The following FGD3 variants were observed in gnomAD, a reference collection of about 807,000 sequenced individuals.
The protein encoded by FGD3 is FYVE, RhoGEF and PH domain containing 3, also known as FYVE, RhoGEF and PH domain-containing protein 3.
FGD3 carries 45 observed loss-of-function variants against 71.8 expected under a neutral mutation model. The ratio of observed to expected loss-of-function variants is 0.63; its 90% CI spans 0.49 to 0.80. The LOEUF (loss-of-function observed/expected upper bound fraction) is 0.80. Among genes scored for constraint, FGD3 ranks in the 30% least tolerant of loss-of-function variants. FGD3 has a pLI of 0.00. For synonymous variants in FGD3, 378 were observed against 392.8 expected, an observed-to-expected ratio of 0.96 and a Z score of 0.44; for missense variants, 844 against 951.5, an observed-to-expected ratio of 0.89 and a Z score of 1.49.
At chr9:93,023,020 A>T (rs1003926920) in intron 14 of FGD3, among the ~76,000 whole-genome samples, 7 of 152,142 alleles carry the variant, frequency 4.6e-5, no homozygotes, top group African/African-American at 1.7e-4. Context: ...GTTAAAGAGG[A>T]TGAGGGCCAA....
intron 1 of FGD3, among the ~76,000 whole-genome samples, chr9:92,948,529 A>C (rs538589282): frequency 6.6e-6 from 1 of 152,170 alleles, no homozygotes; most frequent in African/African-American, 2.4e-5. Flanking sequence ...GAATGTTGTC[A>C]TTTTCTGGGA....
At chr9:93,015,941 CT>C (rs1282112772) in intron 10 of FGD3, 112 bp downstream of exon 10, 3 of 918,470 alleles carry the variant, frequency 3.3e-6, no homozygotes, top group African/African-American at 3.3e-5. Flanking sequence ...CCTGGCACCC[CT>C]ACCTGCTTTT....
At chr9:92,957,908 C>T (rs190930277) in intron 1 of FGD3, among the ~76,000 whole-genome samples, 4 of 151,676 alleles carry the variant, frequency 2.6e-5, no homozygotes, top group Non-Finnish European at 5.9e-5. Context: ...CTTGAACTCC[C>T]GACCTCAGGT....
intron 15 of FGD3, among the ~76,000 whole-genome samples, chr9:93,030,800 G>C: frequency 6.6e-6 from 1 of 152,190 alleles, no homozygotes; most frequent in East Asian, 1.9e-4. Flanking sequence ...ATGAATGGAT[G>C]AGTGGTTGGA....
intron 15 of FGD3, among the ~76,000 whole-genome samples, chr9:93,031,939 A>AGAG (rs1862370521): frequency 6.6e-6 from 1 of 152,142 alleles, no homozygotes. Context: ...TGCAGGGGCC[A>AGAG]GAGGAGGGGG....
At chr9:92,987,380 C>T (rs946235227) in intron 3 of FGD3, among the ~76,000 whole-genome samples, 4 of 149,416 alleles carry the variant, frequency 2.7e-5, no homozygotes, top group Non-Finnish European at 5.9e-5. Flanking sequence ...TGCAGAGAGC[C>T]GAGATAGTGC....
At chr9:92,975,132 T>C (rs1333665773) in intron 1 of FGD3, 106 bp from the exon 2 acceptor site, 2 of 152,298 alleles carry the variant, frequency 1.3e-5, no homozygotes, top group African/African-American at 4.8e-5. Flanking sequence ...TGCTGGGTGG[T>C]GGCATGGAGC....
chr9:93,031,918 T>C (rs1049650899), intron 15 of FGD3, among the ~76,000 whole-genome samples: 4 of 151,978 alleles, frequency 2.6e-5, no homozygotes, highest in African/African-American at 9.7e-5. Flanking sequence ...GGACCACCGA[T>C]GGGATGCAGC....
In FGD3 at chr9:92,972,334, C is replaced by T. The variant is rs550936910; in HGVS notation, c.-217-2904C>T. Among the ~76,000 whole-genome samples, 4 of 151,860 alleles carry T rather than the reference C, an allele frequency of 2.6e-5. No individual in the cohort carries two copies. In the East Asian group the frequency reaches 7.8e-4, roughly 30 times the overall value. Reference sequence around the variant, plus strand: ...AGGCGTGGTGGTGGGTGCCTGTAATCCCAGCTACTCAGGAGGCTGAGGTGG... The same window carrying T: ...AGGCGTGGTGGTGGGTGCCTGTAATTCCAGCTACTCAGGAGGCTGAGGTGG... On this transcript the variant is annotated intron_variant, in intron 1 of 17. Transcript: ENST00000375482.
chr9:93,012,997 CT>C (rs34352808), intron 8 of FGD3, among the ~76,000 whole-genome samples: 23,691 of 151,908 alleles, frequency 0.16, 1,924 homozygotes, highest in South Asian at 0.18. Flanking sequence ...CCCAGCCCCC[CT>C]GGTACACACC....
chr9:92,967,537 G>A (rs1859375404), intron 1 of FGD3, among the ~76,000 whole-genome samples: 1 of 152,110 alleles, frequency 6.6e-6, no homozygotes, highest in Admixed American at 6.6e-5. Flanking sequence ...TGTCCTCAGG[G>A]TCCACCCCTG....
At chr9:92,995,567 A>G (rs1860605698) in intron 3 of FGD3, among the ~76,000 whole-genome samples, 1 of 152,202 alleles carries the variant, frequency 6.6e-6, no homozygotes, top group South Asian at 2.1e-4. Context: ...TTCAAAGGGA[A>G]TGCTTCCAGT....
At chr9:93,033,355 T>TCTTCCTCTCCCTCCTTCCTCTCCCTC (rs141368213) in intron 16 of FGD3, 5 of 150,766 alleles carry the variant, frequency 3.3e-5, no homozygotes, top group South Asian at 1.5e-4. Flanking sequence ...CCCCTTCTCC[T>TCTTCCTCTCCCTCCTTCCTCTCCCTC]CTTCCTCTCC....
At chr9:92,955,592 C>T (rs1859036276) in intron 1 of FGD3, among the ~76,000 whole-genome samples, 1 of 152,146 alleles carries the variant, frequency 6.6e-6, no homozygotes, top group Non-Finnish European at 1.5e-5. Context: ...TACTGTGGGC[C>T]TTTACCCGGG....
chr9:93,030,023 A>G (rs753899577), intron 15 of FGD3, 27 bp downstream of exon 15: 24 of 1,606,160 alleles, frequency 1.5e-5, no homozygotes, highest in Non-Finnish European at 8.5e-7. Context: ...GGGGACAGGG[A>G]CAGGAGGCCA....
intron 5 of FGD3, among the ~76,000 whole-genome samples, chr9:93,005,606 A>G: frequency 6.6e-6 from 1 of 152,236 alleles, no homozygotes. Context: ...CATTATCAGT[A>G]CTACAAAGAG....
At position 93,010,360 on chromosome 9, in the gene FGD3, G is replaced by A. The variant is rs1302722786; in HGVS notation, c.952G>A (p.Ala318Thr). 7 of 1,612,230 alleles carry A rather than the reference G, an allele frequency of 4.3e-6. No homozygotes were observed. The highest frequency in any genetic ancestry group is 1.7e-5 in the Admixed American group (1 of 59,954). ...KDYLKRLPQDAPDRKDAERSL... is the reference protein window; with the variant it reads ...KDYLKRLPQDTPDRKDAERSL... ...CTATCTGAAGAGGCTCCCGCAGGAC[G>A]CCCCAGACCGGAAGGATGCGGAGAG... The change falls in exon 7 of 18, where the codon GCC becomes ACC. Residue 318 changes from alanine to threonine, a missense_variant. Coordinates refer to ENST00000375482, the MANE Select transcript of FGD3 (RefSeq NM_001083536.2).
intron 1 of FGD3, among the ~76,000 whole-genome samples, chr9:92,960,560 C>T (rs1425614365): frequency 2.0e-5 from 3 of 152,152 alleles, no homozygotes; most frequent in East Asian, 1.9e-4. Context: ...TCCCCCACAG[C>T]GGATAAACTG....
intron 8 of FGD3, 146 bp downstream of exon 8, chr9:93,011,418 G>T: frequency 1.0e-6 from 1 of 964,366 alleles, no homozygotes. Context: ...CCATCCCCAG[G>T]GGGGTCAGCT....
Sources: allele counts gnomAD v4.1 joint callset (sites outside exome capture counted in the v4.1 genomes callset), GRCh38; gene constraint gnomAD v4.1.1; transcripts MANE v1.5; gene names NCBI Gene and HGNC (gene_info 2026-07-23, HGNC 2026-07-21).